Variants in PDE4B observed in about 807,000 individuals in gnomAD.
PDE4B encodes the protein 3',5'-cyclic-AMP phosphodiesterase 4B.
PDE4B carries 20 observed loss-of-function variants against 82.2 expected under a neutral mutation model. The observed-to-expected ratio is 0.24, with a 90% CI of 0.17 to 0.35. PDE4B has a LOEUF of 0.35. PDE4B is among the 10% of genes least tolerant of loss of function. PDE4B has a pLI of 1.00. For synonymous variants in PDE4B, 320 were observed against 318.9 expected, an observed-to-expected ratio of 1.00 and a Z score of -0.04; for missense variants, 655 against 907.2, an observed-to-expected ratio of 0.72 and a Z score of 3.57.
intron 3 of PDE4B, among the ~76,000 whole-genome samples, chr1:66,233,267 A>G (rs1333188504): frequency 2.0e-5 from 3 of 152,204 alleles, no homozygotes; most frequent in Non-Finnish European, 2.9e-5. Flanking sequence ...TTCACTCAGC[A>G]TAATTAGTTT....
At chr1:66,004,829 A>G (rs996759114) in intron 3 of PDE4B, among the ~76,000 whole-genome samples, 6 of 151,554 alleles carry the variant, frequency 4.0e-5, no homozygotes, top group African/African-American at 1.5e-4. Context: ...CAAACTGTTT[A>G]TTTATTTGTT....
intron 3 of PDE4B, among the ~76,000 whole-genome samples, chr1:65,955,689 G>A (rs540379666): frequency 2.0e-5 from 3 of 152,164 alleles, no homozygotes; most frequent in African/African-American, 7.2e-5. Flanking sequence ...ACCTGTATTT[G>A]TCACTCAAAA....
At chr1:65,906,971 A>G (rs1647033969) in intron 1 of PDE4B, among the ~76,000 whole-genome samples, 1 of 152,178 alleles carries the variant, frequency 6.6e-6, no homozygotes. Context: ...TTCAGTTTTT[A>G]TCTCAAAAGT....
chr1:66,039,878 G>T (rs1051243787), intron 3 of PDE4B, among the ~76,000 whole-genome samples: 2 of 151,932 alleles, frequency 1.3e-5, no homozygotes, highest in Non-Finnish European at 2.9e-5. Context: ...TTGTATATAG[G>T]CATAAATGGT....
Position 65,918,666 on chromosome 1 carries a change from G to C in PDE4B, c.112G>C (p.Asp38His). 6.2e-7 allele frequency: 1 copy of C among 1,613,704 alleles called. No individual in the cohort carries two copies. Among genetic ancestry groups the C allele is most frequent in the Non-Finnish European group, 8.5e-7 (1 of 1,179,686 alleles). Reference protein sequence around the residue: ...YSSSSNTLGIDLWRGRRCCSG... With the variant: ...YSSSSNTLGIHLWRGRRCCSG... Reference sequence around the variant, plus strand: ...TTCTTCCAGTAACACACTTGGGATCGACCTCTGGAGAGGGAGAAGGTGTTG... The same window carrying C: ...TTCTTCCAGTAACACACTTGGGATCCACCTCTGGAGAGGGAGAAGGTGTTG... The change falls in exon 3 of 17, where the codon GAC (aspartate) becomes CAC (histidine). Residue 38 changes from aspartate (D) to histidine (H), a missense_variant. Physicochemically the swap from Asp to His is moderately conservative, Grantham distance 81 (BLOSUM62 -1). Transcript: ENST00000341517.
intron 7 of PDE4B, among the ~76,000 whole-genome samples, chr1:66,275,504 T>G (rs1469716520): frequency 1.3e-5 from 2 of 152,100 alleles, no homozygotes; most frequent in Admixed American, 6.5e-5. Flanking sequence ...TAACCCATTC[T>G]CCTCTCTTTA....
At chr1:66,336,005 T>C (rs1570716891) in intron 8 of PDE4B, among the ~76,000 whole-genome samples, 1 of 152,162 alleles carries the variant, frequency 6.6e-6, no homozygotes, top group Non-Finnish European at 1.5e-5. Flanking sequence ...GCTTTGGCTC[T>C]CCATTATAAA....
At chr1:66,150,792 A>G (rs1414319382) in intron 3 of PDE4B, among the ~76,000 whole-genome samples, 1 of 152,192 alleles carries the variant, frequency 6.6e-6, no homozygotes, top group East Asian at 1.9e-4. Flanking sequence ...TGAAATAATC[A>G]TGTGGCTTTT....
intron 3 of PDE4B, among the ~76,000 whole-genome samples, chr1:66,127,994 T>C (rs989588818): frequency 1.3e-5 from 2 of 152,210 alleles, no homozygotes; most frequent in Non-Finnish European, 2.9e-5. Context: ...ATGCTAGATG[T>C]CTATACTTTA....
At chr1:65,957,852 A>G (rs1649335633) in intron 3 of PDE4B, among the ~76,000 whole-genome samples, 1 of 152,116 alleles carries the variant, frequency 6.6e-6, no homozygotes, top group Admixed American at 6.6e-5. Flanking sequence ...ATTAGATTTT[A>G]TATTTTGACA....
intron 8 of PDE4B, chr1:66,354,874 G>T (rs1570758929): frequency 8.5e-6 from 13 of 1,535,702 alleles, no homozygotes; most frequent in Non-Finnish European, 1.1e-5. Flanking sequence ...TTTGTTATCT[G>T]TATCTTGGGG....
At chr1:65,992,694 A>T in intron 3 of PDE4B, 1 of 1,303,818 alleles carries the variant, frequency 7.7e-7, no homozygotes, top group Non-Finnish European at 9.7e-7. Context: ...TTCAGAGGCA[A>T]AGCCAGCCTG....
At chr1:66,236,277 G>A (rs1190654258) in intron 3 of PDE4B, among the ~76,000 whole-genome samples, 2 of 152,032 alleles carry the variant, frequency 1.3e-5, no homozygotes, top group Admixed American at 1.3e-4. Flanking sequence ...TTATCTAGCT[G>A]TAAGAATCTT....
Position 66,092,039 on chromosome 1 carries a change from G to A in PDE4B, c.282-155421G>A, listed in dbSNP as rs6588188. ...ATTTTCAGTGCCTATCATACAAGGC[G>A]GCTTGTGATAAATATAAAATATTGG... is the stretch of plus-strand genomic sequence containing the variant. On this transcript the variant is annotated intron_variant, in intron 3 of 16. Transcript: ENST00000341517. 1.0e-3 allele frequency among the ~76,000 whole-genome samples: 154 copies of A among 152,014 alleles called. 1 individual carries two copies. Among genetic ancestry groups the A allele is most frequent in the African/African-American group, 3.4e-3 (142 of 41,516 alleles).
chr1:66,091,501 G>A (rs1157958864), intron 3 of PDE4B, among the ~76,000 whole-genome samples: 1 of 152,046 alleles, frequency 6.6e-6, no homozygotes, highest in Non-Finnish European at 1.5e-5. Flanking sequence ...AAATCACATG[G>A]TTATTTGATT....
Position 65,913,355 on chromosome 1 carries a change from A to C in PDE4B, c.41A>C (p.Asp14Ala). 6.2e-7 allele frequency: 1 copy of C among 1,613,604 alleles called. No individual in the cohort carries two copies. The highest frequency in any genetic ancestry group is 1.1e-5 in the South Asian group (1 of 91,050). ...AGTGTGATGACGGTGATGGCTGATG[A>C]TGTAAGTTTCAAAAGGTCCCAATCA... ...SRSVMTVMAD[D>A]NVKDYFECSL... The change falls in exon 2 of 17, where the codon GAT becomes GCT. Residue 14 changes from aspartate to alanine, a missense_variant and splice_region_variant. Around this residue, in one of 3 missense-constraint regions of PDE4B, gnomAD observed 253 missense variants for 275.6 expected, o/e 0.92. Transcript: ENST00000341517.
At chr1:66,195,437 G>C (rs777924902) in intron 3 of PDE4B, among the ~76,000 whole-genome samples, 3 of 152,036 alleles carry the variant, frequency 2.0e-5, no homozygotes, top group Non-Finnish European at 4.4e-5. Context: ...ACAGCCAAAG[G>C]GCCAGAGGAA....
chr1:66,217,895 T>C (rs952391836), intron 3 of PDE4B, among the ~76,000 whole-genome samples: 2 of 152,094 alleles, frequency 1.3e-5, no homozygotes, highest in Non-Finnish European at 2.9e-5. Flanking sequence ...ACGAGATCAT[T>C]GAGAACTTTT....
At chr1:66,157,138 C>T (rs1028519791) in intron 3 of PDE4B, among the ~76,000 whole-genome samples, 1 of 152,208 alleles carries the variant, frequency 6.6e-6, no homozygotes, top group Admixed American at 6.5e-5. Flanking sequence ...GCAAGTGGTG[C>T]TAAATTCATG....
Sources: allele counts gnomAD v4.1 joint callset (sites outside exome capture counted in the v4.1 genomes callset), GRCh38; gene constraint gnomAD v4.1.1; regional missense constraint gnomAD v4.1.1; transcripts MANE v1.5; gene names NCBI Gene and HGNC (gene_info 2026-07-23, HGNC 2026-07-21).